Variants in PKHD1L1 observed in about 807,000 individuals in gnomAD.
PKHD1L1 encodes PKHD1 like 1, also known as fibrocystin-L.
In PKHD1L1, 434 loss-of-function variants were observed where a neutral mutation model predicts 462.9. That is an observed-to-expected ratio of 0.94 (90% confidence interval 0.87 to 1.02). PKHD1L1 has a LOEUF of 1.02. Ranked by LOEUF, PKHD1L1 falls within the 50% of genes least tolerant of loss-of-function variation. The probability of loss-of-function intolerance (pLI) is 0.00; values close to 1 mark genes in which losing one functional copy is unlikely to be tolerated. For synonymous variants in PKHD1L1, 1,781 were observed against 1,750.0 expected (o/e 1.02, Z -0.44); for missense variants, 5,202 against 5,096.1 (o/e 1.02, Z -0.63).
intron 65 of PKHD1L1, among the ~76,000 whole-genome samples, chr8:109,497,639 G>C (rs576970980): frequency 1.3e-5 from 2 of 152,068 alleles, no homozygotes; most frequent in East Asian, 3.9e-4. Context: ...TGTTAGCCAG[G>C]ATGGTCTTGA....
chr8:109,394,997 A>G (rs988081454), intron 10 of PKHD1L1, among the ~76,000 whole-genome samples: 26 of 152,356 alleles, frequency 1.7e-4, no homozygotes, highest in African/African-American at 5.5e-4. Flanking sequence ...GCTCTGCAGA[A>G]TACAGGTTGT....
chr8:109,443,061 C>A lies in PKHD1L1; in HGVS notation c.4509C>A (p.Thr1503=), dbSNP rs770278275. The change falls in exon 36 of 78, where the codon ACC becomes ACA. Residue 1503 remains threonine (T), a synonymous_variant. Transcript: ENST00000378402. ...QGVINVLPAE[T]RHIPLHLFVG... is the part of the protein sequence containing the mutation. ...TCATTAATGTTTTACCAGCTGAAAC[C>A]AGACACATTCCCTTGCACCTGTTTG... is the stretch of plus-strand genomic sequence containing the variant. 33 of 1,613,556 alleles carry A rather than the reference C, an allele frequency of 2.0e-5. No homozygotes were observed. The African/African-American group carries it at 3.6e-4, about 18-fold the overall frequency.
At chr8:109,455,000 C>G in intron 45 of PKHD1L1, 148 bp downstream of exon 45, 1 of 1,138,510 alleles carries the variant, frequency 8.8e-7, no homozygotes, top group East Asian at 2.7e-5. Flanking sequence ...CTCTTTACCC[C>G]TTCCTTCTTT....
chr8:109,497,068 G>A lies in PKHD1L1; in HGVS notation c.10476+1G>A, dbSNP rs751662404. The A allele has an allele frequency of 6.2e-7, 1 of 1,613,032 alleles. No homozygotes were observed. Among genetic ancestry groups the A allele is most frequent in the Non-Finnish European group, 8.5e-7 (1 of 1,179,392 alleles). ...CTGGGATTATGGAATTTATTTTCAGGTAATTATGATTAAAGATGGTGATTG... is the reference window on the plus strand; with the variant it reads ...CTGGGATTATGGAATTTATTTTCAGATAATTATGATTAAAGATGGTGATTG... On this transcript the variant is annotated splice_donor_variant, in intron 64 of 77. Transcript: ENST00000378402. LOFTEE classifies it high-confidence loss of function.
chr8:109,405,023 C>A lies in PKHD1L1; in HGVS notation c.1562C>A (p.Thr521Asn). 6.6e-7 allele frequency: 1 copy of A among 1,519,122 alleles called. No homozygotes were observed. Among genetic ancestry groups the A allele is most frequent in the Non-Finnish European group, 8.9e-7 (1 of 1,127,248 alleles). 94.1% of individuals were successfully genotyped at this position (1,519,122 alleles called of 1,614,324 possible). Reference sequence around the variant, plus strand: ...ATAACATTGGAAAACTGGGAAACAACTAATGCAATTAATGAGGTTCAGAAG... The same window carrying A: ...ATAACATTGGAAAACTGGGAAACAAATAATGCAATTAATGAGGTTCAGAAG... Reference protein sequence around the residue: ...QVITLENWETTNAINEVQKIK... With the variant: ...QVITLENWETNNAINEVQKIK... The change falls in exon 16 of 78, where the codon ACT becomes AAT. Residue 521 changes from threonine to asparagine, a missense_variant. Physicochemically the swap from Thr to Asn is moderately conservative, Grantham distance 65. Around this residue, in one of 3 missense-constraint regions of PKHD1L1, gnomAD observed 4,497 missense variants for 4,336.8 expected, o/e 1.04. Transcript: ENST00000378402.
In PKHD1L1 at chr8:109,412,218, C is replaced by T. The variant is rs576851739; in HGVS notation, c.2086-47C>T. On this transcript the variant is annotated intron_variant, in intron 19 of 77. Coordinates refer to ENST00000378402, the MANE Select transcript of PKHD1L1 (RefSeq NM_177531.6). ...TTGGGTGCACACGTTGGGGGAAAACCAGAACAATAAATCATGTTTTCATTT... is the reference window on the plus strand; with the variant it reads ...TTGGGTGCACACGTTGGGGGAAAACTAGAACAATAAATCATGTTTTCATTT... 34 of 1,599,614 alleles carry T rather than the reference C, an allele frequency of 2.1e-5. No individual in the cohort carries two copies. The East Asian group carries it at 2.2e-4, about 11-fold the overall frequency.
intron 70 of PKHD1L1, among the ~76,000 whole-genome samples, chr8:109,509,569 A>C (rs1292672078): frequency 6.6e-6 from 1 of 150,772 alleles, no homozygotes; most frequent in African/African-American, 2.4e-5. Flanking sequence ...TAGATGGGAA[A>C]AAATTCCCCA....
chr8:109,373,666 A>G (rs1477583235), intron 2 of PKHD1L1, among the ~76,000 whole-genome samples: 1 of 152,174 alleles, frequency 6.6e-6, no homozygotes, highest in East Asian at 1.9e-4. Context: ...CCCTCTACAC[A>G]CTGCTTTGAA....
At chr8:109,466,459 A>C in intron 49 of PKHD1L1, 119 bp from the exon 50 acceptor site, 9 of 1,051,682 alleles carry the variant, frequency 8.6e-6, no homozygotes, top group Non-Finnish European at 1.2e-5. Context: ...AACAAACAAA[A>C]CTACCCAGAC....
At position 109,438,881 on chromosome 8, in the gene PKHD1L1, A is replaced by G; in HGVS notation, c.3761-16A>G. On this transcript the variant is annotated splice_polypyrimidine_tract_variant and intron_variant, in intron 31 of 77. Coordinates refer to ENST00000378402, the MANE Select transcript of PKHD1L1 (RefSeq NM_177531.6). ...GTTGAACTTTTTGCATTATTTTTTA[A>G]ATTTTAAAATACCAGGAGAAGTTAA... 6.5e-7 allele frequency: 1 copy of G among 1,537,950 alleles called. No homozygotes were observed.
At chr8:109,412,620 A>G (rs1813917323) in intron 20 of PKHD1L1, among the ~76,000 whole-genome samples, 1 of 152,050 alleles carries the variant, frequency 6.6e-6, no homozygotes, top group Non-Finnish European at 1.5e-5. Context: ...ATATATGTAT[A>G]TAGCACCATA....
intron 59 of PKHD1L1, among the ~76,000 whole-genome samples, chr8:109,487,636 A>G (rs1035475690): frequency 2.6e-5 from 4 of 151,898 alleles, no homozygotes; most frequent in Admixed American, 6.6e-5. Context: ...GAGTGATTGC[A>G]TTCCTGGAAT....
intron 23 of PKHD1L1, among the ~76,000 whole-genome samples, 199 bp from the exon 24 acceptor site, chr8:109,424,886 G>A (rs1329997686): frequency 6.6e-6 from 1 of 152,096 alleles, no homozygotes; most frequent in Non-Finnish European, 1.5e-5. Context: ...ACAGATGAAT[G>A]AGTTGACTTT....
At chr8:109,457,663 G>A (rs1816898618) in intron 46 of PKHD1L1, among the ~76,000 whole-genome samples, 1 of 152,148 alleles carries the variant, frequency 6.6e-6, no homozygotes, top group Non-Finnish European at 1.5e-5. Context: ...AATGGTATTA[G>A]TAAGGATTAC....
At position 109,475,216 on chromosome 8, in the gene PKHD1L1, G is replaced by A. The variant is rs750819516; in HGVS notation, c.8704G>A (p.Gly2902Ser). The change falls in exon 51 of 78, where the codon GGT becomes AGT. Residue 2902 changes from glycine to serine, a missense_variant. Gly to Ser is a moderately conservative substitution (Grantham distance 56). Coordinates refer to ENST00000378402, the MANE Select transcript of PKHD1L1 (RefSeq NM_177531.6). ...NANHINWYFK[G>S]VDHITNISYT... ...AAATCACATTAACTGGTATTTTAAAGGTGTGGATCACATAACCAACATTTC... is the reference window on the plus strand; with the variant it reads ...AAATCACATTAACTGGTATTTTAAAAGTGTGGATCACATAACCAACATTTC... The A allele has an allele frequency of 8.1e-6, 13 of 1,611,904 alleles. No individual in the cohort carries two copies. The highest frequency in any genetic ancestry group is 1.3e-5 in the African/African-American group (1 of 74,846).
chr8:109,439,997 G>T (rs1305921667), intron 32 of PKHD1L1, among the ~76,000 whole-genome samples: 1 of 151,970 alleles, frequency 6.6e-6, no homozygotes, highest in African/African-American at 2.4e-5. Context: ...CCATATAATG[G>T]GTGAAATTGA....
intron 2 of PKHD1L1, among the ~76,000 whole-genome samples, chr8:109,371,570 G>A (rs1435146375): frequency 2.0e-5 from 3 of 147,796 alleles, no homozygotes; most frequent in African/African-American, 7.5e-5. Context: ...TAGACATGAA[G>A]TCCTTGCCCA....
rs115171275 is a variant in PKHD1L1, at chr8:109,398,659, A to G, written c.1012+111A>G. 4.8e-3 allele frequency: 2,166 copies of G among 448,272 alleles called. 47 individuals are homozygous for G. Among genetic ancestry groups the G allele is most frequent in the African/African-American group, 0.041 (1,965 of 48,366 alleles). 27.8% of individuals were successfully genotyped at this position (448,272 alleles called of 1,614,324 possible). Reference sequence around the variant, plus strand: ...TTTAGAATTTGTAGTAAGAATTGTAAGAAATTTCCTCCAAGTTTTAAAATT... The same window carrying G: ...TTTAGAATTTGTAGTAAGAATTGTAGGAAATTTCCTCCAAGTTTTAAAATT... On this transcript the variant is annotated intron_variant, in intron 12 of 77. Coordinates refer to ENST00000378402, the MANE Select transcript of PKHD1L1 (RefSeq NM_177531.6).
At position 109,419,402 on chromosome 8, in the gene PKHD1L1, G is replaced by A. The variant is rs1435633072; in HGVS notation, c.2524+142G>A. 6 of 622,634 alleles carry A rather than the reference G, an allele frequency of 9.6e-6. No homozygotes were observed. The Admixed American group carries it at 2.0e-4, about 21-fold the overall frequency. The allele number at this position is 622,634 out of a possible 1,614,324, so 38.6% of individuals were successfully genotyped here. A position where few individuals can be genotyped will look rare whatever the true frequency, so the allele number is the denominator to read the frequency against. On this transcript the variant is annotated intron_variant, in intron 22 of 77. Transcript: ENST00000378402. ...CACTCTTTTATCTGAATAATATTATGATTTTATTTTGTAATGAATAGTGCA... is the reference window on the plus strand; with the variant it reads ...CACTCTTTTATCTGAATAATATTATAATTTTATTTTGTAATGAATAGTGCA...
Sources: gnomAD v4.1 joint callset for allele counts (sites outside exome capture counted in the v4.1 genomes callset) on GRCh38, gnomAD v4.1.1 for gene constraint, gnomAD v4.1.1 regional missense constraint, MANE v1.5 for transcripts, NCBI Gene and HGNC (gene_info 2026-07-23, HGNC 2026-07-21) for gene names.